The following WNT11 variants were observed in gnomAD, a reference collection of about 807,000 sequenced individuals.
WNT11 encodes Wnt family member 11, also known as protein Wnt-11.
WNT11 carries 20 observed loss-of-function variants against 35.6 expected under a neutral mutation model. The ratio of observed to expected loss-of-function variants is 0.56; its 90% CI spans 0.40 to 0.82. The LOEUF (loss-of-function observed/expected upper bound fraction) is 0.82, where lower values mean the gene tolerates loss of function less well. WNT11 is among the 40% of genes least tolerant of loss of function. The probability of loss-of-function intolerance (pLI) is 0.00; values close to 1 mark genes in which losing one functional copy is unlikely to be tolerated. For missense variants in WNT11, 459 were observed against 504.4 expected (o/e 0.91, Z 0.86); for synonymous variants, 200 against 211.9 (o/e 0.94, Z 0.49).
rs1953098729 is a variant in WNT11, at chr11:76,186,696, C to T, written c.*369G>A. 2.7e-6 allele frequency: 1 copy of T among 373,462 alleles called. No homozygotes were observed. 23.1% of individuals were successfully genotyped at this position (373,462 alleles called of 1,614,324 possible). ...GGGTGGGCCAGGGGGTCCCGCAGAA[C>T]ATTCTGAAGAAGGCGGGCAGACCCC... is the stretch of plus-strand genomic sequence containing the variant. On this transcript the variant is annotated 3_prime_UTR_variant, in exon 5 of 5. Coordinates refer to ENST00000322563, the MANE Select transcript of WNT11 (RefSeq NM_004626.3).
chr11:76,206,183 G>A, intron 1 of WNT11, 142 bp downstream of exon 1: 1 of 694,194 alleles, frequency 1.4e-6, no homozygotes, highest in South Asian at 3.3e-5. Context: ...GGAAACAGAG[G>A]CTGAGGGATG....
In WNT11 at chr11:76,196,527, G is replaced by A; in HGVS notation, c.275C>T (p.Ser92Phe). 6.2e-7 allele frequency: 1 copy of A among 1,613,582 alleles called. No homozygotes were observed. Among genetic ancestry groups the A allele is most frequent in the South Asian group, 1.1e-5 (1 of 91,088 alleles). ...ATAGTTGGGGGCGAGCTCAATGGAG[G>A]AGCAGTTCCAGCGCATGTCGGCAAA... ...RAFADMRWNC[S>F]SIELAPNYLL... Residue 92 changes from serine to phenylalanine, a missense_variant, in exon 2 of 5, where the codon TCC (serine) becomes TTC (phenylalanine). Transcript: ENST00000322563.
At chr11:76,201,486 G>C (rs1054227169) in intron 1 of WNT11, among the ~76,000 whole-genome samples, 1 of 152,152 alleles carries the variant, frequency 6.6e-6, no homozygotes, top group African/African-American at 2.4e-5. Context: ...CATCTTGCTC[G>C]CTTCACTCCA....
At chr11:76,210,472 C>T (rs1953552077), upstream of WNT11, 9 of 985,230 alleles carry the variant, frequency 9.1e-6, no homozygotes, top group Admixed American at 6.2e-5. Flanking sequence ...CACTGCTCAC[C>T]TCCCGGGGCG....
At chr11:76,198,033 G>T (rs1362035406) in intron 1 of WNT11, among the ~76,000 whole-genome samples, 2 of 152,208 alleles carry the variant, frequency 1.3e-5, no homozygotes. Context: ...GCCTGCTGTG[G>T]ACCCAGCGGT....
At chr11:76,206,224 C>T in intron 1 of WNT11, 101 bp downstream of exon 1, 1 of 1,119,988 alleles carries the variant, frequency 8.9e-7, no homozygotes, top group Non-Finnish European at 1.2e-6. Flanking sequence ...CCAGCTTAGG[C>T]TCCCGGGTCT....
chr11:76,192,686 G>C (rs1400486049), intron 3 of WNT11, among the ~76,000 whole-genome samples: 1 of 152,248 alleles, frequency 6.6e-6, no homozygotes, highest in Non-Finnish European at 1.5e-5. Context: ...AGAGGCTTGG[G>C]GAGACTCTTG....
At chr11:76,197,335 C>T (rs985380407) in intron 1 of WNT11, among the ~76,000 whole-genome samples, 2 of 152,216 alleles carry the variant, frequency 1.3e-5, no homozygotes, top group Non-Finnish European at 2.9e-5. Flanking sequence ...TGACCTGGAA[C>T]TTGAAAAATT....
chr11:76,200,004 T>C (rs1460628426), intron 1 of WNT11, among the ~76,000 whole-genome samples: 1 of 152,294 alleles, frequency 6.6e-6, no homozygotes, highest in Non-Finnish European at 1.5e-5. Context: ...CTGAATGATA[T>C]GTGCTACGGT....
upstream of WNT11, among the ~76,000 whole-genome samples, chr11:76,209,022 T>TGG (rs1953516634): frequency 6.6e-6 from 1 of 152,154 alleles, no homozygotes; most frequent in African/African-American, 2.4e-5. Context: ...CGTCGCGGGC[T>TGG]GGGGTCAAGT....
At chr11:76,198,315 A>G (rs1417154859) in intron 1 of WNT11, among the ~76,000 whole-genome samples, 1 of 152,228 alleles carries the variant, frequency 6.6e-6, no homozygotes, top group Non-Finnish European at 1.5e-5. Flanking sequence ...GATGGAAGCT[A>G]CTACAGTTAC....
Position 76,196,517 on chromosome 11 carries a change from C to T in WNT11, c.285G>A (p.Glu95=). ...ADMRWNCSSI[E]LAPNYLLDLE... The stretch of plus-strand genomic sequence containing the variant: ...GGTCAAGCAAATAGTTGGGGGCGAG[C>T]TCAATGGAGGAGCAGTTCCAGCGCA... Residue 95 remains glutamate (E), a synonymous_variant, in exon 2 of 5, where the codon GAG becomes GAA. Coordinates refer to ENST00000322563, the MANE Select transcript of WNT11 (RefSeq NM_004626.3). The T allele has an allele frequency of 1.2e-6, 2 of 1,613,544 alleles. No individual in the cohort carries two copies. Among genetic ancestry groups the T allele is most frequent in the Non-Finnish European group, 1.7e-6 (2 of 1,180,052 alleles).
chr11:76,190,298 G>GCCTCCTGCAGC (rs1213565098), intron 4 of WNT11, among the ~76,000 whole-genome samples: 1 of 152,214 alleles, frequency 6.6e-6, no homozygotes, highest in East Asian at 1.9e-4. Context: ...TCCTCCGTGG[G>GCCTCCTGCAGC]CCTCCTGCAG....
chr11:76,193,672 C>T (rs768078282), intron 3 of WNT11, among the ~76,000 whole-genome samples: 9 of 152,266 alleles, frequency 5.9e-5, no homozygotes, highest in Non-Finnish European at 1.3e-4. Context: ...AGCCCCTGGA[C>T]TTGGGAGTCC....
chr11:76,207,794 C>A (rs1953496593), upstream of WNT11, among the ~76,000 whole-genome samples: 1 of 151,944 alleles, frequency 6.6e-6, no homozygotes, highest in South Asian at 2.1e-4. Flanking sequence ...CTGCCCCGCC[C>A]GCCCGCAGCC....
chr11:76,196,528 A>G lies in WNT11; in HGVS notation c.274T>C (p.Ser92Pro). Reference protein sequence around the residue: ...RAFADMRWNCSSIELAPNYLL... With the variant: ...RAFADMRWNCPSIELAPNYLL... ...TAGTTGGGGGCGAGCTCAATGGAGGAGCAGTTCCAGCGCATGTCGGCAAAG... is the reference window on the plus strand; with the variant it reads ...TAGTTGGGGGCGAGCTCAATGGAGGGGCAGTTCCAGCGCATGTCGGCAAAG... Residue 92 changes from serine (S) to proline (P), a missense_variant, in exon 2 of 5, where the codon TCC (serine) becomes CCC (proline). By Grantham distance (74) the Ser-to-Pro change is moderately conservative. Transcript: ENST00000322563. The G allele has an allele frequency of 6.2e-7, 1 of 1,613,568 alleles. No individual in the cohort carries two copies. The highest frequency in any genetic ancestry group is 1.1e-5 in the South Asian group (1 of 91,090).
At chr11:76,195,748 C>T (rs531499235) in intron 2 of WNT11, among the ~76,000 whole-genome samples, 1 of 152,356 alleles carries the variant, frequency 6.6e-6, no homozygotes, top group Admixed American at 6.5e-5. Context: ...CCTTCTCCAG[C>T]CTCAGTTTCC....
At chr11:76,193,219 T>A (rs2134574960) in intron 3 of WNT11, among the ~76,000 whole-genome samples, 1 of 152,272 alleles carries the variant, frequency 6.6e-6, no homozygotes, top group East Asian at 1.9e-4. Context: ...ATTAAACACG[T>A]TTGTGATCTC....
upstream of WNT11, chr11:76,210,556 C>T: frequency 1.0e-6 from 1 of 985,244 alleles, no homozygotes; most frequent in South Asian, 4.7e-5. Context: ...TCCAGCGGGC[C>T]CGTGCGCACT....
Sources: gnomAD v4.1 joint callset for allele counts (sites outside exome capture counted in the v4.1 genomes callset) on GRCh38, gnomAD v4.1.1 for gene constraint, MANE v1.5 for transcripts, NCBI Gene and HGNC (gene_info 2026-07-23, HGNC 2026-07-21) for gene names.